The following GXYLT2 variants were observed in gnomAD, a reference collection of about 807,000 sequenced individuals.
GXYLT2 encodes glucoside xylosyltransferase 2.
Under a neutral mutation model 45.8 loss-of-function variants are expected in GXYLT2, and 53 were observed. The ratio of observed to expected loss-of-function variants is 1.16; its 90% CI spans 0.93 to 1.46. The LOEUF (loss-of-function observed/expected upper bound fraction) is 1.46, where lower values mean the gene tolerates loss of function less well. GXYLT2 is among the 40% of genes most tolerant of loss of function. The pLI, the probability that GXYLT2 is intolerant of heterozygous loss-of-function variation, is 0.00. For missense variants in GXYLT2, 551 were observed against 544.4 expected, an observed-to-expected ratio of 1.01 and a Z score of -0.12; for synonymous variants, 219 against 214.2, an observed-to-expected ratio of 1.02 and a Z score of -0.19.
chr3:72,904,715 C>G (rs1323490414), intron 1 of GXYLT2, among the ~76,000 whole-genome samples: 1 of 151,054 alleles, frequency 6.6e-6, no homozygotes, highest in East Asian at 1.9e-4. Flanking sequence ...GTGCCCACCA[C>G]TTGGCTTAAG....
At chr3:72,945,204 T>G (rs1379143236) in intron 3 of GXYLT2, among the ~76,000 whole-genome samples, 2 of 150,802 alleles carry the variant, frequency 1.3e-5, no homozygotes, top group Admixed American at 1.3e-4. Context: ...AGGAGAATGG[T>G]GTGAACCCGG....
intron 2 of GXYLT2, among the ~76,000 whole-genome samples, chr3:72,916,157 G>A (rs1394808498): frequency 6.7e-6 from 1 of 150,350 alleles, no homozygotes; most frequent in East Asian, 1.9e-4. Flanking sequence ...GGAAACTTAA[G>A]ATCTAGTATG....
At chr3:72,965,916 C>T (rs1055225005) in intron 5 of GXYLT2, among the ~76,000 whole-genome samples, 1 of 151,898 alleles carries the variant, frequency 6.6e-6, no homozygotes, top group African/African-American at 2.4e-5. Flanking sequence ...TGGCACAGGG[C>T]TTTTTTTTCT....
Position 72,888,349 on chromosome 3 carries a change from C to T in GXYLT2, c.116C>T (p.Pro39Leu). ...GAGCCCCCAGCGCTGCCCGCGCGCC[C>T]CGCGTCCGCCCCGCAGCGCCACCCC... ...RAEPPALPAR[P>L]ASAPQRHPAP... Residue 39 changes from proline to leucine, a missense_variant, in exon 1 of 7, where the codon CCC (proline) becomes CTC (leucine). Physicochemically the swap from Pro to Leu is moderately conservative, Grantham distance 98. Coordinates refer to ENST00000389617, the MANE Select transcript of GXYLT2 (RefSeq NM_001080393.2). The T allele has an allele frequency of 1.0e-6, 1 of 983,016 alleles. No individual in the cohort carries two copies. The highest frequency in any genetic ancestry group is 1.2e-6 in the Non-Finnish European group (1 of 829,974). The allele number at this position is 983,016 out of a possible 1,614,324, so 60.9% of individuals were successfully genotyped here.
chr3:72,911,579 C>G (rs138872319), intron 2 of GXYLT2, among the ~76,000 whole-genome samples: 1 of 152,052 alleles, frequency 6.6e-6, no homozygotes, highest in Non-Finnish European at 1.5e-5. Flanking sequence ...TCTGGAGAGG[C>G]CTGCATGGTG....
intron 6 of GXYLT2, among the ~76,000 whole-genome samples, chr3:72,973,683 G>C (rs910321725): frequency 9.2e-5 from 14 of 152,180 alleles, no homozygotes; most frequent in Non-Finnish European, 1.3e-4. Context: ...TTGAGATAGA[G>C]TTTACAGGAC....
chr3:72,956,056 G>A (rs574119153), intron 4 of GXYLT2, among the ~76,000 whole-genome samples: 5 of 152,208 alleles, frequency 3.3e-5, no homozygotes, highest in East Asian at 1.9e-4. Flanking sequence ...CCAGCCTGGC[G>A]ACAGAGACTG....
At chr3:72,941,352 T>G (rs1377720518) in intron 3 of GXYLT2, among the ~76,000 whole-genome samples, 1 of 152,198 alleles carries the variant, frequency 6.6e-6, no homozygotes, top group Non-Finnish European at 1.5e-5. Flanking sequence ...CAGAGTCAAG[T>G]CCAGGCCTCT....
At chr3:72,946,416 A>G (rs1235122773) in intron 3 of GXYLT2, among the ~76,000 whole-genome samples, 6 of 152,262 alleles carry the variant, frequency 3.9e-5, no homozygotes, top group African/African-American at 1.2e-4. Context: ...TCCAGAAGGC[A>G]TGTCTTAGTT....
intron 3 of GXYLT2, among the ~76,000 whole-genome samples, chr3:72,945,155 G>T (rs1255881517): frequency 6.6e-6 from 1 of 151,834 alleles, no homozygotes; most frequent in East Asian, 1.9e-4. Context: ...GGGTGTGGTG[G>T]CAGGCGCCTG....
intron 2 of GXYLT2, among the ~76,000 whole-genome samples, chr3:72,920,693 A>G (rs1233003061): frequency 2.0e-5 from 3 of 152,084 alleles, no homozygotes; most frequent in East Asian, 1.9e-4. Flanking sequence ...GAATATGGAA[A>G]TGTAGCCCGA....
rs73094997 is a variant in GXYLT2 at position 72,922,842 on chromosome 3, G to A, written c.600+507G>A. Among the ~76,000 whole-genome samples the A allele has an allele frequency of 4.8e-3, 728 of 152,274 alleles. 4 individuals are homozygous for A. Among genetic ancestry groups the A allele is most frequent in the Non-Finnish European group, 7.0e-3 (474 of 68,028 alleles). ...GTTGCTTTTTTAAAATCTTGAGGCCGGCATGGCGGCTCACACCTATAATCC... is the reference window on the plus strand; with the variant it reads ...GTTGCTTTTTTAAAATCTTGAGGCCAGCATGGCGGCTCACACCTATAATCC... On this transcript the variant is annotated intron_variant, in intron 3 of 6. Coordinates refer to ENST00000389617, the MANE Select transcript of GXYLT2 (RefSeq NM_001080393.2).
intron 3 of GXYLT2, among the ~76,000 whole-genome samples, chr3:72,949,027 GC>G (rs1710464629): frequency 6.6e-6 from 1 of 152,054 alleles, no homozygotes; most frequent in Admixed American, 6.6e-5. Flanking sequence ...TGGAGGTAGA[GC>G]CTGTGTGACT....
intron 6 of GXYLT2, among the ~76,000 whole-genome samples, 181 bp downstream of exon 6, chr3:72,967,900 T>A (rs1710897802): frequency 6.6e-6 from 1 of 152,240 alleles, no homozygotes; most frequent in Admixed American, 6.5e-5. Flanking sequence ...ATGTCATATC[T>A]ACTTGACTTA....
chr3:72,904,827 G>A (rs1424506174), intron 1 of GXYLT2, among the ~76,000 whole-genome samples: 1 of 150,322 alleles, frequency 6.7e-6, no homozygotes. Context: ...GATCACTTGA[G>A]GCGAGGCATT....
chr3:72,908,795 T>G (rs1709557883), intron 2 of GXYLT2, among the ~76,000 whole-genome samples: 1 of 152,170 alleles, frequency 6.6e-6, no homozygotes. Context: ...TAGAGTACAG[T>G]GGTGCAATCT....
intron 1 of GXYLT2, among the ~76,000 whole-genome samples, chr3:72,903,414 T>C (rs73838410): frequency 0.09 from 13,696 of 152,192 alleles, 1,374 homozygotes; most frequent in African/African-American, 0.25. Flanking sequence ...AGTAATTCCA[T>C]TTCTGGGAAT....
intron 1 of GXYLT2, among the ~76,000 whole-genome samples, chr3:72,897,245 A>G (rs563466508): frequency 1.3e-5 from 2 of 152,222 alleles, no homozygotes; most frequent in African/African-American, 2.4e-5. Context: ...AAAACTGGAA[A>G]GTGCAAAGAG....
At chr3:72,919,027 C>A (rs978996851) in intron 2 of GXYLT2, among the ~76,000 whole-genome samples, 2 of 152,166 alleles carry the variant, frequency 1.3e-5, no homozygotes, top group African/African-American at 2.4e-5. Flanking sequence ...TCATTCATTG[C>A]TGGTAAGAAT....
Sources: allele counts gnomAD v4.1 joint callset (sites outside exome capture counted in the v4.1 genomes callset), GRCh38; gene constraint gnomAD v4.1.1; transcripts MANE v1.5; gene names NCBI Gene and HGNC (gene_info 2026-07-23, HGNC 2026-07-21).